Variants in TTC19 observed in about 807,000 individuals in gnomAD.
The protein encoded by TTC19 is tetratricopeptide repeat protein 19, mitochondrial.
In TTC19, 38 loss-of-function variants were observed where a neutral mutation model predicts 49.5. That is an observed-to-expected ratio of 0.77 (90% CI 0.59 to 1.01). The LOEUF (loss-of-function observed/expected upper bound fraction) is 1.01, where lower values mean the gene tolerates loss of function less well. TTC19 is among the 50% of genes least tolerant of loss of function. The pLI is 0.00. For synonymous variants in TTC19, 204 were observed against 185.2 expected (o/e 1.10, Z -0.83); for missense variants, 475 against 477.7 (o/e 0.99, Z 0.05).
In TTC19 at chr17:16,028,619, G is replaced by A. The variant is rs1381495793; in HGVS notation, c.*1097G>A. On this transcript the variant is annotated 3_prime_UTR_variant, in exon 10 of 10. Coordinates refer to ENST00000261647, the MANE Select transcript of TTC19 (RefSeq NM_017775.4). ...TGCAGCAGTCATGAATACATTTTTAGCCATTTACCTAAGGAAAAAGACAGT... is the reference window on the plus strand; with the variant it reads ...TGCAGCAGTCATGAATACATTTTTAACCATTTACCTAAGGAAAAAGACAGT... The A allele has an allele frequency of 2.2e-6, 1 of 453,634 alleles. No individual in the cohort carries two copies. The highest frequency in any genetic ancestry group is 4.4e-6 in the Non-Finnish European group (1 of 226,734). The allele number at this position is 453,634 out of a possible 1,614,324, so 28.1% of individuals were successfully genotyped here. A position where few individuals can be genotyped will look rare whatever the true frequency, so the allele number is the denominator to read the frequency against.
chr17:16,024,708 TC>T (rs1289979862), intron 7 of TTC19: 2 of 381,464 alleles, frequency 5.2e-6, no homozygotes, highest in Non-Finnish European at 4.9e-6. Flanking sequence ...TACAGGTTTT[TC>T]ATTGGCCTTG....
chr17:16,044,886 GAGA>G lies in TTC19; in HGVS notation c.*336_*338del, dbSNP rs2058400171. 3 of 741,418 alleles carry G rather than the reference GAGA, an allele frequency of 4.0e-6. No individual in the cohort carries two copies. In the South Asian group the frequency reaches 4.4e-5, roughly 11 times the overall value. The allele number at this position is 741,418 out of a possible 1,614,324, so 45.9% of individuals were successfully genotyped here. On this transcript the variant is annotated 3_prime_UTR_variant, in exon 3 of 3. Coordinates refer to the TTC19 transcript ENST00000470649. ...CCACTCCACTGCTGCTGCTCCAGCT[GAGA>G]AGAAAGTGGAAGCAAACAAAGAAGA...
chr17:16,034,953 G>T, intron 2 of TTC19: 1 of 1,612,854 alleles, frequency 6.2e-7, no homozygotes. Context: ...TCCTGAAAGT[G>T]AAATTCAAGT....
intron 7 of TTC19, among the ~76,000 whole-genome samples, chr17:16,020,028 G>A (rs936813941): frequency 6.6e-6 from 1 of 151,590 alleles, no homozygotes; most frequent in Admixed American, 6.6e-5. Context: ...TACTTGGGAG[G>A]CTGAGGCATG....
At chr17:16,040,871 C>G in intron 2 of TTC19, 1 of 188,720 alleles carries the variant, frequency 5.3e-6, no homozygotes, top group South Asian at 1.0e-4. Flanking sequence ...CATCTGTTTA[C>G]CAAAAATAAA....
intron 2 of TTC19, chr17:16,040,385 G>C: frequency 7.0e-7 from 1 of 1,438,844 alleles, no homozygotes; most frequent in Non-Finnish European, 9.8e-7. Context: ...ATATTTGTTG[G>C]ACTGACTACT....
At chr17:16,021,438 C>G (rs548879553) in intron 7 of TTC19, among the ~76,000 whole-genome samples, 2 of 152,256 alleles carry the variant, frequency 1.3e-5, no homozygotes, top group African/African-American at 4.8e-5. Context: ...AGCTACATTT[C>G]TGGTGGGGGA....
At chr17:16,036,810 C>G (rs796787682) in intron 2 of TTC19, among the ~76,000 whole-genome samples, 7 of 152,314 alleles carry the variant, frequency 4.6e-5, no homozygotes, top group African/African-American at 1.7e-4. Flanking sequence ...ATCCAGACCA[C>G]TAAAATCTTC....
Position 16,000,259 on chromosome 17 carries a change from GGGCCCT to G in TTC19, c.312+16_312+21del. On this transcript the variant is annotated intron_variant, in intron 2 of 9. Transcript: ENST00000261647. ...AAGCGAGCCAAGGTGAGGCGGCTCC[GGGCCCT>G]GCGCCCGGCCGAGCGCGGTAGCCTT... The G allele has an allele frequency of 6.3e-7, 1 of 1,593,580 alleles. No individual in the cohort carries two copies. The highest frequency in any genetic ancestry group is 8.5e-7 in the Non-Finnish European group (1 of 1,178,348).
rs557091881 is a variant in TTC19 at position 16,028,965 on chromosome 17, A to G, written c.*1443A>G. 1.6e-4 allele frequency: 67 copies of G among 426,204 alleles called. 1 individual carries two copies. The highest frequency in any genetic ancestry group is 1.1e-3 in the African/African-American group (53 of 48,380). The allele number at this position is 426,204 out of a possible 1,614,324, so 26.4% of individuals were successfully genotyped here. A position where few individuals can be genotyped will look rare whatever the true frequency, so the allele number is the denominator to read the frequency against. On this transcript the variant is annotated 3_prime_UTR_variant, in exon 10 of 10. Coordinates refer to ENST00000261647, the MANE Select transcript of TTC19 (RefSeq NM_017775.4). ...TTCTTCCTATTTTCTGTCTAATCTCATATTATTTACCATGCAGCTAATGCC... is the reference window on the plus strand; with the variant it reads ...TTCTTCCTATTTTCTGTCTAATCTCGTATTATTTACCATGCAGCTAATGCC...
exon 3 of TTC19, chr17:16,044,896 T>C: frequency 1.4e-6 from 1 of 721,206 alleles, no homozygotes; most frequent in South Asian, 1.5e-5. Context: ...GAGAAGAAAG[T>C]GGAAGCAAAC....
intron 7 of TTC19, chr17:16,024,213 G>A (rs1971473393): frequency 6.6e-6 from 1 of 152,224 alleles, no homozygotes; most frequent in South Asian, 2.1e-4. Flanking sequence ...TCTTGAATGT[G>A]TTGAGAGGTG....
At chr17:16,026,800 C>G in intron 9 of TTC19, 98 bp downstream of exon 9, 2 of 1,228,230 alleles carry the variant, frequency 1.6e-6, no homozygotes, top group Non-Finnish European at 1.2e-6. Flanking sequence ...CAAGGGCCAA[C>G]GAATAAACAT....
rs1465431948 is a variant in TTC19 at position 16,002,774 on chromosome 17, A to G, written c.424-19A>G. 1 of 1,613,432 alleles carries G rather than the reference A, an allele frequency of 6.2e-7. No individual in the cohort carries two copies. The highest frequency in any genetic ancestry group is 8.5e-7 in the Non-Finnish European group (1 of 1,179,516). ...ACACAGTATTCTAAACTGAAAAACA[A>G]TTTGTAATTTGCTTTCAGATGGCCA... is the stretch of plus-strand genomic sequence containing the variant. On this transcript the variant is annotated intron_variant, in intron 3 of 9. Transcript: ENST00000261647.
At position 16,039,775 on chromosome 17, in the gene TTC19, C is replaced by T; in HGVS notation, c.248-4728C>T. 3 of 846,142 alleles carry T rather than the reference C, an allele frequency of 3.5e-6. No individual in the cohort carries two copies. In the South Asian group the frequency reaches 5.0e-5, roughly 14 times the overall value. 52.4% of individuals were successfully genotyped at this position (846,142 alleles called of 1,614,324 possible). A position where few individuals can be genotyped will look rare whatever the true frequency, so the allele number is the denominator to read the frequency against. The stretch of plus-strand genomic sequence containing the variant: ...CTTGGCAAGTGACCTAGAACAATAC[C>T]AGGACCCACCACACAGAGACCTTTT... On this transcript the variant is annotated intron_variant, in intron 2 of 2. Coordinates refer to the TTC19 transcript ENST00000470649.
downstream of TTC19, chr17:16,032,260 C>T (rs112840784): frequency 1.8e-3 from 2,736 of 1,536,506 alleles, 47 homozygotes; most frequent in African/African-American, 0.033. Context: ...ACTAGAGATC[C>T]CTCTCCTGCA....
chr17:16,003,716 G>T (rs1417097904), intron 4 of TTC19, 115 bp from the exon 5 acceptor site: 28 of 904,482 alleles, frequency 3.1e-5, no homozygotes, highest in South Asian at 1.9e-4. Context: ...GTGTGTGTGG[G>T]TATATGGGTT....
At chr17:16,007,018 A>G (rs1195085283) in intron 7 of TTC19, among the ~76,000 whole-genome samples, 1 of 152,242 alleles carries the variant, frequency 6.6e-6, no homozygotes, top group Admixed American at 6.5e-5. Flanking sequence ...CTGGATGAGC[A>G]GGAAGCTCTC....
rs116946711 is a variant in TTC19 at position 16,027,823 on chromosome 17, G to A, written c.*301G>A. 58 of 500,428 alleles carry A rather than the reference G, an allele frequency of 1.2e-4. 1 individual carries two copies. The East Asian group carries it at 2.9e-3, about 25-fold the overall frequency. The allele number at this position is 500,428 out of a possible 1,614,324, so 31.0% of individuals were successfully genotyped here. On this transcript the variant is annotated 3_prime_UTR_variant, in exon 10 of 10. Transcript: ENST00000261647. ...GTAGAACTGTAGATTCATATGGGCT[G>A]GTGTTCCTGTGCGCTGTGGGTGTGG...
Sources: allele counts gnomAD v4.1 joint callset (sites outside exome capture counted in the v4.1 genomes callset), GRCh38; gene constraint gnomAD v4.1.1; transcripts MANE v1.5; gene names NCBI Gene and HGNC (gene_info 2026-07-23, HGNC 2026-07-21).